The following ZBTB7C variants were observed in gnomAD, a reference collection of about 807,000 sequenced individuals.
The protein encoded by ZBTB7C is zinc finger and BTB domain containing 7C.
ZBTB7C carries 8 observed loss-of-function variants against 25.7 expected under a neutral mutation model. The observed-to-expected ratio is 0.31, with a 90% CI of 0.18 to 0.56. ZBTB7C has a LOEUF of 0.56. Ranked by LOEUF, ZBTB7C falls within the 20% of genes least tolerant of loss-of-function variation. The pLI, the probability that ZBTB7C is intolerant of heterozygous loss-of-function variation, is 0.91. For missense variants in ZBTB7C, 824 were observed against 855.2 expected, an observed-to-expected ratio of 0.96 and a Z score of 0.46; for synonymous variants, 394 against 369.0, an observed-to-expected ratio of 1.07 and a Z score of -0.78.
At chr18:48,229,991 G>A (rs1265805060) in intron 2 of ZBTB7C, among the ~76,000 whole-genome samples, 2 of 152,348 alleles carry the variant, frequency 1.3e-5, no homozygotes, top group African/African-American at 4.8e-5. Context: ...CTCCTGCCCA[G>A]TGAGGCAAAC....
chr18:48,275,917 C>T (rs2044634964), intron 2 of ZBTB7C, among the ~76,000 whole-genome samples: 1 of 152,182 alleles, frequency 6.6e-6, no homozygotes. Context: ...CTTGTTTTCT[C>T]CCCAAAGGCA....
chr18:48,095,718 TAAATAAAATA>T (rs74172091), intron 3 of ZBTB7C, among the ~76,000 whole-genome samples: 1 of 132,788 alleles, frequency 7.5e-6, no homozygotes, highest in South Asian at 3.0e-4. Context: ...TCTCAAAAAA[TAAATAAAATA>T]AAATAAAATA....
chr18:48,029,253 G>A lies in ZBTB7C; in HGVS notation c.*7C>T, dbSNP rs1467832633. On this transcript the variant is annotated 3_prime_UTR_variant, in exon 5 of 5. Coordinates refer to ENST00000590800, the MANE Select transcript of ZBTB7C (RefSeq NM_001318841.2). ...GGGCTGGTGGGCTGGAGCCGACAGGGACCAGCCTAGTTGTTGGCTTCGGAC... is the reference window on the plus strand; with the variant it reads ...GGGCTGGTGGGCTGGAGCCGACAGGAACCAGCCTAGTTGTTGGCTTCGGAC... The A allele has an allele frequency of 9.1e-6, 14 of 1,535,800 alleles. No homozygotes were observed. The highest frequency in any genetic ancestry group is 1.2e-5 in the Non-Finnish European group (14 of 1,148,754).
At chr18:48,341,692 C>A (rs2046605329) in intron 1 of ZBTB7C, among the ~76,000 whole-genome samples, 1 of 152,236 alleles carries the variant, frequency 6.6e-6, no homozygotes, top group Non-Finnish European at 1.5e-5. Context: ...TAGAGGCCTA[C>A]TATTCAAAGC....
At chr18:48,145,290 T>A (rs191292405) in intron 3 of ZBTB7C, among the ~76,000 whole-genome samples, 4 of 152,306 alleles carry the variant, frequency 2.6e-5, no homozygotes, top group Admixed American at 1.3e-4. Flanking sequence ...TCCCTTCCCA[T>A]TGCTTTTGCT....
At chr18:48,395,461 ATGTGTGTGTG>A (rs71165324) in intron 1 of ZBTB7C, among the ~76,000 whole-genome samples, 15 of 83,576 alleles carry the variant, frequency 1.8e-4, no homozygotes, top group Middle Eastern at 6.7e-3. Flanking sequence ...TTCTATTCAA[ATGTGTGTGTG>A]TGTGTGTGTG....
chr18:48,172,721 C>T (rs773936136), intron 3 of ZBTB7C, among the ~76,000 whole-genome samples: 4 of 152,222 alleles, frequency 2.6e-5, no homozygotes, highest in African/African-American at 7.2e-5. Context: ...TGGCCCGGGG[C>T]GAAGAGGGCC....
At chr18:48,046,696 A>G (rs908176357) in intron 3 of ZBTB7C, among the ~76,000 whole-genome samples, 3 of 152,194 alleles carry the variant, frequency 2.0e-5, no homozygotes, top group Admixed American at 6.5e-5. Flanking sequence ...ACTCTGAGAA[A>G]TGGCGTGTGG....
chr18:48,173,250 AC>A (rs1419452459), intron 3 of ZBTB7C, among the ~76,000 whole-genome samples: 1 of 152,024 alleles, frequency 6.6e-6, no homozygotes, highest in Non-Finnish European at 1.5e-5. Flanking sequence ...TTAAGCATCC[AC>A]TCCACATCAG....
intron 3 of ZBTB7C, among the ~76,000 whole-genome samples, chr18:48,118,337 A>T (rs2039515530): frequency 6.6e-6 from 1 of 152,120 alleles, no homozygotes; most frequent in Admixed American, 6.6e-5. Context: ...TGAACTGATC[A>T]TTTGCCACAG....
At chr18:48,349,777 A>G (rs911046726) in intron 1 of ZBTB7C, among the ~76,000 whole-genome samples, 1 of 152,142 alleles carries the variant, frequency 6.6e-6, no homozygotes, top group Admixed American at 6.5e-5. Context: ...CATTTAACAG[A>G]GGCCATGCAG....
rs551523585 is a variant in ZBTB7C, at chr18:48,377,084, C to T, written c.-304+32142G>A. ...GAGATCAAGCCCTCAGGGACTCAGCCTGGGCCCCCACACCAGGCCTCCTGC... is the reference window on the plus strand; with the variant it reads ...GAGATCAAGCCCTCAGGGACTCAGCTTGGGCCCCCACACCAGGCCTCCTGC... On this transcript the variant is annotated intron_variant, in intron 1 of 4. Transcript: ENST00000590800. 5.3e-5 allele frequency among the ~76,000 whole-genome samples: 8 copies of T among 152,330 alleles called. No individual in the cohort carries two copies. In the South Asian group the frequency reaches 1.7e-3, roughly 32 times the overall value.
chr18:48,245,630 C>T (rs1376875300), intron 2 of ZBTB7C, among the ~76,000 whole-genome samples: 3 of 151,984 alleles, frequency 2.0e-5, no homozygotes, highest in Non-Finnish European at 4.4e-5. Context: ...GGAGAATGCG[C>T]TCCATCAAAA....
intron 2 of ZBTB7C, among the ~76,000 whole-genome samples, chr18:48,267,240 T>G (rs2044341866): frequency 6.6e-6 from 1 of 152,214 alleles, no homozygotes; most frequent in South Asian, 2.1e-4. Flanking sequence ...CTTCTGTTTC[T>G]TGTCCAGGCC....
intron 3 of ZBTB7C, among the ~76,000 whole-genome samples, chr18:48,069,345 A>T (rs2037457048): frequency 6.6e-6 from 1 of 152,230 alleles, no homozygotes; most frequent in South Asian, 2.1e-4. Context: ...CCTTTGAAAG[A>T]TCTCCCGATT....
At chr18:48,206,222 G>T (rs904371304) in intron 2 of ZBTB7C, among the ~76,000 whole-genome samples, 8 of 152,232 alleles carry the variant, frequency 5.3e-5, no homozygotes, top group African/African-American at 1.7e-4. Context: ...AAGCAGAGTG[G>T]TATGGTGTAT....
intron 2 of ZBTB7C, among the ~76,000 whole-genome samples, chr18:48,189,163 T>C (rs1262652408): frequency 6.6e-6 from 1 of 152,222 alleles, no homozygotes; most frequent in Non-Finnish European, 1.5e-5. Flanking sequence ...GCACAAAGCA[T>C]GACTGCTGGC....
At chr18:48,115,774 T>A (rs8098508) in intron 3 of ZBTB7C, among the ~76,000 whole-genome samples, 63,600 of 151,912 alleles carry the variant, frequency 0.42, 13,569 homozygotes, top group Middle Eastern at 0.5. Flanking sequence ...ACATGGCAAT[T>A]CTGTGTTTTA....
intron 1 of ZBTB7C, among the ~76,000 whole-genome samples, chr18:48,380,793 T>C (rs541819327): frequency 1.3e-5 from 2 of 152,322 alleles, no homozygotes; most frequent in East Asian, 3.9e-4. Flanking sequence ...CAATATTTGT[T>C]GTGACCGATG....
Sources: allele counts gnomAD v4.1 joint callset (sites outside exome capture counted in the v4.1 genomes callset), GRCh38; gene constraint gnomAD v4.1.1; transcripts MANE v1.5; gene names NCBI Gene and HGNC (gene_info 2026-07-23, HGNC 2026-07-21).